Variants in SHROOM2 observed in about 807,000 individuals in gnomAD.
The protein encoded by SHROOM2 is shroom family member 2.
A neutral mutation model predicts 75.9 loss-of-function variants in SHROOM2; 33 were observed. That is an observed-to-expected ratio of 0.43 (90% CI 0.33 to 0.58). The LOEUF is 0.58. Ranked by LOEUF, SHROOM2 falls within the 20% of genes least tolerant of loss-of-function variation. The pLI, the probability that SHROOM2 is intolerant of heterozygous loss-of-function variation, is 0.04. For synonymous variants in SHROOM2, 655 were observed against 663.6 expected (o/e 0.99, Z 0.20); for missense variants, 1,434 against 1,461.2 (o/e 0.98, Z 0.30).
chrX:9,816,270 G>A (rs1015785001), intron 1 of SHROOM2, among the ~76,000 whole-genome samples: 26 of 112,434 alleles, frequency 2.3e-4, no homozygotes, highest in African/African-American at 7.8e-4. Context: ...TATTTTCCTT[G>A]TGTTTCAAGC....
chrX:9,870,541 A>T (rs1010870361), intron 1 of SHROOM2, among the ~76,000 whole-genome samples: 2 of 112,229 alleles, frequency 1.8e-5, no homozygotes, highest in Non-Finnish European at 3.8e-5. Context: ...AATTAGATAC[A>T]TGTCTATAAA....
chrX:9,903,544 T>C (rs2405947), intron 5 of SHROOM2, among the ~76,000 whole-genome samples: 15,419 of 110,558 alleles, frequency 0.14, 1,529 homozygotes, highest in African/African-American at 0.35. Flanking sequence ...TTTATGTCTT[T>C]TTTTGATGTT....
At chrX:9,878,723 A>C (rs2084214952) in intron 2 of SHROOM2, among the ~76,000 whole-genome samples, 1 of 109,109 alleles carries the variant, frequency 9.2e-6, no homozygotes, top group Non-Finnish European at 1.9e-5. Context: ...GCAGGTTTAC[A>C]CCCCCACCCC....
At chrX:9,814,102 A>T (rs139107259) in intron 1 of SHROOM2, among the ~76,000 whole-genome samples, 1,403 of 111,458 alleles carry the variant, frequency 0.013, 22 homozygotes, top group Non-Finnish European at 0.018. Flanking sequence ...TGGGATGAGT[A>T]GGTCTAAAGT....
intron 1 of SHROOM2, among the ~76,000 whole-genome samples, chrX:9,850,022 G>A (rs1416375774): frequency 9.0e-6 from 1 of 111,683 alleles, no homozygotes; most frequent in East Asian, 2.8e-4. Flanking sequence ...ACACTGGGGA[G>A]AACTGAAGGA....
At chrX:9,841,833 G>A (rs1194995908) in intron 1 of SHROOM2, among the ~76,000 whole-genome samples, 1 of 111,617 alleles carries the variant, frequency 9.0e-6, no homozygotes. Context: ...CTTGAACCCA[G>A]GAGTTCAAGA....
At chrX:9,910,603 G>C (rs745879229) in intron 5 of SHROOM2, among the ~76,000 whole-genome samples, 151 of 109,791 alleles carry the variant, frequency 1.4e-3, no homozygotes, top group Non-Finnish European at 2.5e-3. Flanking sequence ...TATCACTTGA[G>C]GTCAGGAGTT....
intron 1 of SHROOM2, among the ~76,000 whole-genome samples, chrX:9,823,006 CT>C (rs2083861729): frequency 2.2e-5 from 2 of 90,348 alleles, no homozygotes; most frequent in African/African-American, 9.4e-5. Context: ...TCTTCTTCTT[CT>C]TCTTCTTCTC....
rs752311493 is a variant in SHROOM2 at position 9,895,801 on chromosome X, G to A, written c.1893G>A (p.Arg631=). The A allele has an allele frequency of 4.2e-6, 5 of 1,203,965 alleles. No homozygotes were observed. The South Asian group carries it at 8.9e-5, about 22-fold the overall frequency. ...RRSDRFATTL[R]NEIQMHRAKL... ...GCGACCGCTTTGCCACCACCCTGCG[G>A]AATGAGATCCAGATGCATAGAGCCA... The change falls in exon 4 of 10, where the codon CGG becomes CGA. Residue 631 remains arginine (R), a synonymous_variant. Transcript: ENST00000380913.
At chrX:9,858,125 G>A (rs1569151399) in intron 1 of SHROOM2, among the ~76,000 whole-genome samples, 1 of 111,961 alleles carries the variant, frequency 8.9e-6, no homozygotes, top group Non-Finnish European at 1.9e-5. Context: ...CCCTTGTGAC[G>A]GGTGAGATCA....
In SHROOM2 at chrX:9,873,675, GGCGGTCGACAA is replaced by G. The variant is rs1569155429; in HGVS notation, c.191_201del (p.Ala64ValfsTer6). 1.7e-6 allele frequency: 2 copies of G among 1,211,605 alleles called. No homozygotes were observed. The highest frequency in any genetic ancestry group is 2.2e-6 in the Non-Finnish European group (2 of 895,334). ...AGATTGAAGAGGGCAGTAAAGCCGC[GGCGGTCGACAA>G]GTTACTGGCTGGAGATGAGATCGTC... On this transcript the variant is annotated frameshift_variant, in exon 2 of 10. Coordinates refer to ENST00000380913, the MANE Select transcript of SHROOM2 (RefSeq NM_001649.4). LOFTEE classifies it high-confidence loss of function.
intron 3 of SHROOM2, among the ~76,000 whole-genome samples, chrX:9,893,243 C>T (rs182795720): frequency 0.012 from 1,355 of 111,847 alleles, 29 homozygotes; most frequent in African/African-American, 0.042. Flanking sequence ...GCTGGGACTA[C>T]AGGCATGCAC....
At chrX:9,794,777 G>C (rs1482388188) in intron 1 of SHROOM2, among the ~76,000 whole-genome samples, 1 of 112,143 alleles carries the variant, frequency 8.9e-6, no homozygotes, top group Non-Finnish European at 1.9e-5. Context: ...CAGTCACTAG[G>C]GTTCAGGATA....
chrX:9,811,007 G>A (rs2083788916), intron 1 of SHROOM2, among the ~76,000 whole-genome samples: 1 of 111,973 alleles, frequency 8.9e-6, no homozygotes, highest in Admixed American at 9.5e-5. Context: ...TGGTGGATAA[G>A]GCATTCCGTG....
chrX:9,830,716 C>T (rs1005564114), intron 1 of SHROOM2, among the ~76,000 whole-genome samples: 1 of 105,208 alleles, frequency 9.5e-6, no homozygotes, highest in African/African-American at 3.5e-5. Context: ...ATTCTCCTGC[C>T]TCAGCCTCCC....
chrX:9,929,712 T>C (rs1358827528), intron 5 of SHROOM2, among the ~76,000 whole-genome samples: 2 of 111,592 alleles, frequency 1.8e-5, no homozygotes, highest in Non-Finnish European at 3.8e-5. Flanking sequence ...TATAGGTCAT[T>C]TAATTATCTG....
At chrX:9,848,712 A>T (rs1346687684) in intron 1 of SHROOM2, among the ~76,000 whole-genome samples, 4 of 110,238 alleles carry the variant, frequency 3.6e-5, no homozygotes, top group Non-Finnish European at 7.6e-5. Context: ...GGACGAATAA[A>T]GTGTCTGTCC....
chrX:9,875,498 G>A (rs1009565649), intron 2 of SHROOM2, among the ~76,000 whole-genome samples: 3 of 111,699 alleles, frequency 2.7e-5, no homozygotes, highest in Admixed American at 9.5e-5. Flanking sequence ...GTACTGTCTC[G>A]TTCTGGGCTC....
chrX:9,808,204 G>A (rs1055859458), intron 1 of SHROOM2, among the ~76,000 whole-genome samples: 4 of 110,936 alleles, frequency 3.6e-5, no homozygotes, highest in South Asian at 3.8e-4. Flanking sequence ...TTACTTGGGG[G>A]TGGTCGGGGA....
Sources: allele counts gnomAD v4.1 joint callset (sites outside exome capture counted in the v4.1 genomes callset), GRCh38; gene constraint gnomAD v4.1.1; transcripts MANE v1.5; gene names NCBI Gene and HGNC (gene_info 2026-07-23, HGNC 2026-07-21).